ZNF407: variants seen among roughly 807,000 people sequenced by gnomAD.
The protein encoded by ZNF407 is zinc finger protein 407.
A neutral mutation model predicts 131.2 loss-of-function variants in ZNF407; 17 were observed. The ratio of observed to expected loss-of-function variants is 0.13; its 90% confidence interval spans 0.09 to 0.19. ZNF407 has a LOEUF of 0.19. ZNF407 is among the 10% of genes least tolerant of loss of function. The probability of loss-of-function intolerance (pLI) is 1.00; values close to 1 mark genes in which losing one functional copy is unlikely to be tolerated. For synonymous variants in ZNF407, 1,156 were observed against 1,062.0 expected, an observed-to-expected ratio of 1.09 and a Z score of -1.72; for missense variants, 2,681 against 2,830.6, an observed-to-expected ratio of 0.95 and a Z score of 1.20.
At chr18:74,914,747 T>C (rs1971724029) in intron 7 of ZNF407, among the ~76,000 whole-genome samples, 1 of 152,154 alleles carries the variant, frequency 6.6e-6, no homozygotes, top group Non-Finnish European at 1.5e-5. Flanking sequence ...GGGTGTTTCC[T>C]CTGCACCATG....
chr18:74,742,495 A>G (rs1028990126), intron 3 of ZNF407, among the ~76,000 whole-genome samples: 1 of 152,164 alleles, frequency 6.6e-6, no homozygotes, highest in South Asian at 2.1e-4. Flanking sequence ...AATATTTTTC[A>G]GAGATAGTTT....
At chr18:74,664,348 C>T (rs1985842665) in intron 3 of ZNF407, among the ~76,000 whole-genome samples, 1 of 152,176 alleles carries the variant, frequency 6.6e-6, no homozygotes, top group East Asian at 1.9e-4. Context: ...GAAAATAAAA[C>T]ATTAGCCGTG....
At position 74,631,109 on chromosome 18, in the gene ZNF407, T is replaced by C. The variant is rs1984040500; in HGVS notation, c.90T>C (p.Asn30=). Residue 30 remains asparagine, a synonymous_variant, in exon 2 of 9, where the codon AAT becomes AAC. Transcript: ENST00000299687. ...ACTTGACAAAGCTTTCATCCCATAA[T>C]GAAGACGGTGGGCCTGTATCTGATG... is the stretch of plus-strand genomic sequence containing the variant. The part of the protein sequence containing the change: ...AQDLTKLSSH[N]EDGGPVSDVI... The C allele has an allele frequency of 2.5e-6, 4 of 1,613,924 alleles. No individual in the cohort carries two copies. Among genetic ancestry groups the C allele is most frequent in the African/African-American group, 1.3e-5 (1 of 75,030 alleles).
At chr18:74,797,162 T>A (rs1555689481) in intron 4 of ZNF407, among the ~76,000 whole-genome samples, 2 of 149,088 alleles carry the variant, frequency 1.3e-5, no homozygotes, top group Admixed American at 1.3e-4. Context: ...TTTTAGAACG[T>A]TGGATCTGTT....
intron 7 of ZNF407, among the ~76,000 whole-genome samples, chr18:74,912,312 A>G (rs1971685056): frequency 6.6e-6 from 1 of 152,012 alleles, no homozygotes. Flanking sequence ...CCAGCTGACA[A>G]CCACTGTCCC....
chr18:74,720,772 T>C (rs1423406799), intron 3 of ZNF407, among the ~76,000 whole-genome samples: 2 of 152,118 alleles, frequency 1.3e-5, no homozygotes, highest in Admixed American at 6.5e-5. Flanking sequence ...TTGAAGTCTT[T>C]GTCAAAAAAA....
intron 3 of ZNF407, among the ~76,000 whole-genome samples, chr18:74,660,102 A>G (rs898630179): frequency 3.9e-5 from 6 of 152,164 alleles, no homozygotes; most frequent in Admixed American, 1.3e-4. Flanking sequence ...AATGATCAGC[A>G]TGGCCTCAAA....
intron 4 of ZNF407, among the ~76,000 whole-genome samples, chr18:74,838,371 C>T (rs997728862): frequency 2.0e-5 from 3 of 152,198 alleles, no homozygotes; most frequent in South Asian, 4.1e-4. Context: ...AATTAGAATG[C>T]GTCCTGTGTT....
At chr18:75,039,318 A>G (rs1320651812) in intron 8 of ZNF407, among the ~76,000 whole-genome samples, 1 of 152,210 alleles carries the variant, frequency 6.6e-6, no homozygotes, top group African/African-American at 2.4e-5. Flanking sequence ...CTGTACCTCC[A>G]TAGACTGCTT....
intron 8 of ZNF407, among the ~76,000 whole-genome samples, chr18:75,019,437 C>G (rs1381868444): frequency 1.3e-5 from 2 of 152,118 alleles, no homozygotes; most frequent in Non-Finnish European, 2.9e-5. Context: ...CAGTTACCTG[C>G]AGTCACAGTG....
intron 8 of ZNF407, among the ~76,000 whole-genome samples, chr18:74,933,933 G>A (rs1599251848): frequency 6.6e-6 from 1 of 151,898 alleles, no homozygotes; most frequent in Non-Finnish European, 1.5e-5. Context: ...ACACTTTGAT[G>A]CATTATTTTA....
intron 4 of ZNF407, among the ~76,000 whole-genome samples, chr18:74,876,527 ATAT>A (rs753220739): frequency 5.9e-5 from 9 of 152,346 alleles, no homozygotes; most frequent in Middle Eastern, 3.4e-3. Context: ...TAAACCTGAA[ATAT>A]TATATTGTAT....
intron 4 of ZNF407, among the ~76,000 whole-genome samples, chr18:74,810,667 G>T (rs988776408): frequency 6.6e-6 from 1 of 152,024 alleles, no homozygotes; most frequent in Non-Finnish European, 1.5e-5. Flanking sequence ...TTGCCTCATA[G>T]TTAGTTTTTA....
rs1984241742 is a variant in ZNF407 at position 74,633,388 on chromosome 18, A to G, written c.2369A>G (p.Asp790Gly). The change falls in exon 2 of 9, where the codon GAT becomes GGT. Residue 790 changes from aspartate (D) to glycine (G), a missense_variant. This residue lies in a region of ZNF407 where 1,789 missense variants were observed against 1,748.7 expected (regional missense o/e 1.02). Transcript: ENST00000299687. Reference protein sequence around the residue: ...IGANDKKEEFDVSGNGRIEGH... With the variant: ...IGANDKKEEFGVSGNGRIEGH... ...GCAAATGATAAAAAAGAAGAGTTTG[A>G]TGTTTCCGGAAATGGAAGGATTGAA... 1 of 1,613,990 alleles carries G rather than the reference A, an allele frequency of 6.2e-7. No individual in the cohort carries two copies. The highest frequency in any genetic ancestry group is 8.5e-7 in the Non-Finnish European group (1 of 1,179,890).
At chr18:74,996,853 G>A (rs1972785741) in intron 8 of ZNF407, among the ~76,000 whole-genome samples, 1 of 152,206 alleles carries the variant, frequency 6.6e-6, no homozygotes, top group African/African-American at 2.4e-5. Flanking sequence ...AGACTATGAA[G>A]AGACAATCAT....
chr18:74,902,218 T>G (rs894239076), intron 7 of ZNF407, among the ~76,000 whole-genome samples: 1 of 152,230 alleles, frequency 6.6e-6, no homozygotes, highest in Non-Finnish European at 1.5e-5. Flanking sequence ...GCGTGGAGGT[T>G]TTGATAGGGA....
chr18:74,964,753 T>G (rs1240192924), intron 8 of ZNF407, among the ~76,000 whole-genome samples: 1 of 152,218 alleles, frequency 6.6e-6, no homozygotes, highest in Non-Finnish European at 1.5e-5. Context: ...TAATATTTTC[T>G]TGCTTTTTGA....
chr18:75,012,054 T>C (rs1393294103), intron 8 of ZNF407, among the ~76,000 whole-genome samples: 7 of 152,174 alleles, frequency 4.6e-5, no homozygotes, highest in Admixed American at 4.6e-4. Context: ...CACCTGGTTA[T>C]TGATATATTT....
chr18:74,627,251 A>C (rs1474702477), intron 1 of ZNF407, among the ~76,000 whole-genome samples: 2 of 152,112 alleles, frequency 1.3e-5, no homozygotes, highest in African/African-American at 2.4e-5. Context: ...GTTTTAAGCA[A>C]TGTATTGTCT....
Sources: allele counts gnomAD v4.1 joint callset (sites outside exome capture counted in the v4.1 genomes callset), GRCh38; gene constraint gnomAD v4.1.1; regional missense constraint gnomAD v4.1.1; transcripts MANE v1.5; gene names NCBI Gene and HGNC (gene_info 2026-07-23, HGNC 2026-07-21).